Variants in MKLN1 observed in about 807,000 individuals in gnomAD.
The protein encoded by MKLN1 is muskelin.
A neutral mutation model predicts 99.0 loss-of-function variants in MKLN1; 18 were observed. The ratio of observed to expected loss-of-function variants is 0.18; its 90% CI spans 0.13 to 0.27. The LOEUF (loss-of-function observed/expected upper bound fraction) is 0.27, where lower values mean the gene tolerates loss of function less well. Among genes scored for constraint, MKLN1 ranks in the 10% least tolerant of loss-of-function variants. The pLI is 1.00. For synonymous variants in MKLN1, 288 were observed against 293.2 expected (o/e 0.98, Z 0.18); for missense variants, 621 against 875.9 (o/e 0.71, Z 3.67).
intron 4 of MKLN1, among the ~76,000 whole-genome samples, chr7:131,395,497 T>C (rs1794334259): frequency 6.6e-6 from 1 of 150,434 alleles, no homozygotes; most frequent in Non-Finnish European, 1.5e-5. Context: ...TTTATTTTAT[T>C]TTACTGCCAG....
At chr7:131,448,987 C>CA (rs1270996551) in intron 12 of MKLN1, among the ~76,000 whole-genome samples, 1 of 152,178 alleles carries the variant, frequency 6.6e-6, no homozygotes, top group East Asian at 1.9e-4. Context: ...TTAGAGGACT[C>CA]ACATTCTAGT....
At chr7:131,140,928 T>TG (rs1278009494) in intron 1 of MKLN1, among the ~76,000 whole-genome samples, 1 of 152,072 alleles carries the variant, frequency 6.6e-6, no homozygotes, top group African/African-American at 2.4e-5. Flanking sequence ...TATAGGCGCG[T>TG]GCCACCATGC....
At chr7:131,465,030 A>G (rs1189590164) in intron 14 of MKLN1, among the ~76,000 whole-genome samples, 2 of 152,188 alleles carry the variant, frequency 1.3e-5, no homozygotes, top group African/African-American at 2.4e-5. Flanking sequence ...AATTCTACGC[A>G]ATACACTTTG....
chr7:131,382,510 G>A (rs1050742744), intron 2 of MKLN1, among the ~76,000 whole-genome samples: 56 of 152,100 alleles, frequency 3.7e-4, no homozygotes, highest in African/African-American at 1.2e-3. Flanking sequence ...AAGGTTTGTC[G>A]TTTTAAAATT....
intron 3 of MKLN1, among the ~76,000 whole-genome samples, chr7:131,229,823 G>A (rs1157143566): frequency 6.6e-6 from 1 of 152,112 alleles, no homozygotes; most frequent in Non-Finnish European, 1.5e-5. Flanking sequence ...CGAAGTGCTA[G>A]GATTACAAGC....
At chr7:131,306,611 A>G (rs956541885) in intron 3 of MKLN1, among the ~76,000 whole-genome samples, 1 of 152,212 alleles carries the variant, frequency 6.6e-6, no homozygotes, top group Non-Finnish European at 1.5e-5. Context: ...GAGAAAGATT[A>G]TTTAAGGTAT....
intron 17 of MKLN1, chr7:131,479,103 AAGAT>A (rs1222855134): frequency 6.2e-6 from 1 of 160,224 alleles, no homozygotes; most frequent in Non-Finnish European, 1.4e-5. Context: ...GGGAGCACAG[AAGAT>A]AGATTATCTC....
chr7:131,487,465 TG>T lies in MKLN1; in HGVS notation c.2087-138del. On this transcript the variant is annotated intron_variant, in intron 17 of 17. Transcript: ENST00000352689. This position sits in a 1 kb window ranked among gnomAD's most constrained non-coding sequence, Gnocchi z 4.7. ...TCACACCACAGCCAGGTAGTAGAAC[TG>T]GGGTCAGATCAGTAGTGTCTGCCTG... is the stretch of plus-strand genomic sequence containing the variant. 1.2e-6 allele frequency: 1 copy of T among 803,916 alleles called. No homozygotes were observed. The highest frequency in any genetic ancestry group is 1.9e-6 in the Non-Finnish European group (1 of 532,274). The allele number at this position is 803,916 out of a possible 1,614,324, so 49.8% of individuals were successfully genotyped here. A position where few individuals can be genotyped will look rare whatever the true frequency, so the allele number is the denominator to read the frequency against.
chr7:131,184,196 A>G (rs1796415893), intron 2 of MKLN1, among the ~76,000 whole-genome samples: 1 of 152,028 alleles, frequency 6.6e-6, no homozygotes, highest in Non-Finnish European at 1.5e-5. Flanking sequence ...GATCACAGGC[A>G]TGACTACAGT....
chr7:131,470,548 A>G (rs1479182182), intron 15 of MKLN1, among the ~76,000 whole-genome samples: 1 of 152,158 alleles, frequency 6.6e-6, no homozygotes, highest in East Asian at 1.9e-4. Flanking sequence ...TTTGTTTGGT[A>G]GTTGGTTTAG....
At chr7:131,387,387 C>G (rs1794065444) in intron 3 of MKLN1, 125 bp downstream of exon 3, 1 of 771,012 alleles carries the variant, frequency 1.3e-6, no homozygotes, top group South Asian at 2.6e-5. Flanking sequence ...TCTATTCTAT[C>G]CCTAATGCCT....
chr7:131,156,865 G>A (rs1461459092), intron 2 of MKLN1, among the ~76,000 whole-genome samples: 2 of 152,164 alleles, frequency 1.3e-5, no homozygotes, highest in East Asian at 3.8e-4. Flanking sequence ...GCATTATCTT[G>A]ATGAGTTCTA....
chr7:131,250,805 G>A (rs897161150), intron 3 of MKLN1, among the ~76,000 whole-genome samples: 3 of 152,166 alleles, frequency 2.0e-5, no homozygotes, highest in African/African-American at 7.2e-5. Flanking sequence ...TGCCGACTCA[G>A]GCTAACTCCA....
chr7:131,169,891 C>T (rs550493987), intron 2 of MKLN1, among the ~76,000 whole-genome samples: 52 of 152,312 alleles, frequency 3.4e-4, no homozygotes, highest in African/African-American at 1.1e-3. Context: ...TACAGCTCAA[C>T]GGTGTTCTTG....
chr7:131,481,813 CAAAAAAA>C (rs35675974), intron 17 of MKLN1, among the ~76,000 whole-genome samples: 2 of 109,230 alleles, frequency 1.8e-5, no homozygotes, highest in Non-Finnish European at 3.9e-5. Flanking sequence ...CTAAGGTCTG[CAAAAAAA>C]AAAAAAAAAA....
At chr7:131,248,789 T>C (rs1797534367) in intron 3 of MKLN1, among the ~76,000 whole-genome samples, 1 of 152,220 alleles carries the variant, frequency 6.6e-6, no homozygotes, top group Non-Finnish European at 1.5e-5. Flanking sequence ...TGCTGTTTAA[T>C]ACCACACTAT....
chr7:131,482,289 G>A (rs1273763824), intron 17 of MKLN1, among the ~76,000 whole-genome samples: 2 of 152,100 alleles, frequency 1.3e-5, no homozygotes, highest in African/African-American at 4.8e-5. Flanking sequence ...GGACTTCCTG[G>A]GCTCAAGCAA....
At chr7:131,366,563 C>A (rs1481171513) in intron 1 of MKLN1, among the ~76,000 whole-genome samples, 1 of 152,144 alleles carries the variant, frequency 6.6e-6, no homozygotes, top group Non-Finnish European at 1.5e-5. Flanking sequence ...GTAATCCCAG[C>A]ACTTTGGGAG....
At chr7:131,469,200 AGATG>A (rs564391297) in intron 15 of MKLN1, among the ~76,000 whole-genome samples, 87 of 152,166 alleles carry the variant, frequency 5.7e-4, no homozygotes, top group East Asian at 1.4e-3. Flanking sequence ...ATAGAAAGAT[AGATG>A]GATGGATGGA....
Sources: gnomAD v4.1 joint callset for allele counts (sites outside exome capture counted in the v4.1 genomes callset) on GRCh38, gnomAD v4.1.1 for gene constraint, Gnocchi (gnomAD v3.1) non-coding constraint, MANE v1.5 for transcripts, NCBI Gene and HGNC (gene_info 2026-07-23, HGNC 2026-07-21) for gene names.